UTRN: variants seen among roughly 807,000 people sequenced by gnomAD.
UTRN encodes the protein dystrophin-related protein 1.
In UTRN, 283 loss-of-function variants were observed where a neutral mutation model predicts 463.9. The ratio of observed to expected loss-of-function variants is 0.61; its 90% CI spans 0.55 to 0.67. The LOEUF (loss-of-function observed/expected upper bound fraction) is 0.67. UTRN is among the 30% of genes least tolerant of loss of function. The pLI, the probability that UTRN is intolerant of heterozygous loss-of-function variation, is 0.00. For synonymous variants in UTRN, 1,442 were observed against 1,431.5 expected (o/e 1.01, Z -0.17); for missense variants, 3,922 against 4,084.3 (o/e 0.96, Z 1.08).
intron 46 of UTRN, among the ~76,000 whole-genome samples, chr6:144,547,766 C>A (rs1295075550): frequency 6.6e-6 from 1 of 152,040 alleles, no homozygotes; most frequent in African/African-American, 2.4e-5. Flanking sequence ...AGGGCATATT[C>A]CTCTATCAAA....
At chr6:144,810,510 A>G (rs927651690) in intron 65 of UTRN, among the ~76,000 whole-genome samples, 19 of 152,222 alleles carry the variant, frequency 1.2e-4, no homozygotes, top group Non-Finnish European at 2.5e-4. Context: ...AAAGGTAGAT[A>G]GATAGGCTGT....
intron 2 of UTRN, among the ~76,000 whole-genome samples, chr6:144,389,616 T>C (rs1219530827): frequency 6.6e-6 from 1 of 151,764 alleles, no homozygotes; most frequent in Non-Finnish European, 1.5e-5. Flanking sequence ...TTTCCCCCCC[T>C]GAGACGGGGT....
At chr6:144,800,678 A>G (rs1016154398) in intron 64 of UTRN, among the ~76,000 whole-genome samples, 2 of 152,200 alleles carry the variant, frequency 1.3e-5, no homozygotes, top group Non-Finnish European at 2.9e-5. Context: ...ACATGAAAGT[A>G]TCTAGGGCAG....
At position 144,732,267 on chromosome 6, in the gene UTRN, T is replaced by TATATATATACAC. The variant is rs1554360098; in HGVS notation, c.7939+1790_7939+1791insCACATATATATA. Among the ~76,000 whole-genome samples, 22 of 89,710 alleles carry TATATATATACAC rather than the reference T, an allele frequency of 2.5e-4. 1 individual carries two copies. Among genetic ancestry groups the TATATATATACAC allele is most frequent in the African/African-American group, 1.3e-3 (21 of 16,138 alleles). 58.9% of individuals were successfully genotyped at this position (89,710 alleles called of 152,430 possible). On this transcript the variant is annotated intron_variant, in intron 54 of 74. Coordinates refer to ENST00000367545, the MANE Select transcript of UTRN (RefSeq NM_007124.3). ...ATATATATATATATATACACACATA[T>TATATATATACAC]ATATATATATACACACATATATATA...
At chr6:144,392,998 GCCATCCATCCATCCATCCATCCATCCAT>G (rs58099859) in intron 2 of UTRN, among the ~76,000 whole-genome samples, 1 of 150,082 alleles carries the variant, frequency 6.7e-6, no homozygotes, top group African/African-American at 2.5e-5. Context: ...GTGTCCAGCT[GCCATCCATCCATCCATCCATCCATCCAT>G]CCATCCATCC....
intron 51 of UTRN, among the ~76,000 whole-genome samples, chr6:144,584,233 C>T (rs1054233797): frequency 1.3e-5 from 2 of 152,058 alleles, no homozygotes; most frequent in African/African-American, 4.8e-5. Context: ...TACGTCATCC[C>T]GAACATAAAC....
chr6:144,365,378 G>T (rs568530215), intron 2 of UTRN, among the ~76,000 whole-genome samples: 2 of 152,328 alleles, frequency 1.3e-5, no homozygotes, highest in Admixed American at 1.3e-4. Context: ...CAACTTTAGG[G>T]CCAGCCTAGG....
At chr6:144,353,083 C>T (rs902120220) in intron 2 of UTRN, among the ~76,000 whole-genome samples, 1 of 152,054 alleles carries the variant, frequency 6.6e-6, no homozygotes, top group Non-Finnish European at 1.5e-5. Flanking sequence ...GCTGGGATTA[C>T]AGGCATGTGC....
At chr6:144,836,081 G>T in intron 70 of UTRN, 143 bp downstream of exon 70, 1 of 1,413,112 alleles carries the variant, frequency 7.1e-7, no homozygotes, top group Non-Finnish European at 9.5e-7. Context: ...AACAAACTGG[G>T]ATGCTGGCTG....
chr6:144,422,037 G>C, intron 4 of UTRN, 67 bp downstream of exon 4: 1 of 1,342,108 alleles, frequency 7.5e-7, no homozygotes, highest in Non-Finnish European at 1.0e-6. Flanking sequence ...ACCCAGTGTG[G>C]GTACCCATTA....
intron 60 of UTRN, among the ~76,000 whole-genome samples, chr6:144,778,708 C>T (rs754648390): frequency 1.3e-5 from 2 of 152,110 alleles, no homozygotes; most frequent in Non-Finnish European, 2.9e-5. Context: ...GGATGCTTAA[C>T]AGTGTTCATT....
intron 19 of UTRN, 26 bp downstream of exon 19, chr6:144,453,895 A>G (rs1236068947): frequency 6.3e-7 from 1 of 1,597,732 alleles, no homozygotes; most frequent in African/African-American, 1.3e-5. Context: ...TTTTTCCCCT[A>G]TATTTTTCAG....
At chr6:144,697,207 C>A (rs1437296390) in intron 52 of UTRN, among the ~76,000 whole-genome samples, 1 of 151,930 alleles carries the variant, frequency 6.6e-6, no homozygotes, top group African/African-American at 2.4e-5. Context: ...TATCAAAGTA[C>A]TAAAGGAGTG....
chr6:144,549,756 A>C (rs1340289259), intron 47 of UTRN, among the ~76,000 whole-genome samples: 1 of 152,184 alleles, frequency 6.6e-6, no homozygotes, highest in Middle Eastern at 3.2e-3. Context: ...AGAGTGAATA[A>C]AGTCATGTGG....
chr6:144,727,684 A>G (rs540295698), intron 53 of UTRN, among the ~76,000 whole-genome samples: 1 of 152,152 alleles, frequency 6.6e-6, no homozygotes, highest in African/African-American at 2.4e-5. Context: ...GCGTGAACCC[A>G]GGAGGTAGAG....
At chr6:144,501,010 A>G (rs1794122592) in intron 34 of UTRN, among the ~76,000 whole-genome samples, 1 of 152,196 alleles carries the variant, frequency 6.6e-6, no homozygotes, top group Admixed American at 6.5e-5. Context: ...GTGGGCCTTG[A>G]GGAGAAGGTG....
chr6:144,711,492 C>CAA (rs1785706937), intron 53 of UTRN, among the ~76,000 whole-genome samples: 1 of 152,126 alleles, frequency 6.6e-6, no homozygotes, highest in Non-Finnish European at 1.5e-5. Context: ...GTGAGCTTAT[C>CAA]ATTCAGTCAA....
At chr6:144,621,655 T>C (rs1775391992) in intron 51 of UTRN, among the ~76,000 whole-genome samples, 1 of 152,170 alleles carries the variant, frequency 6.6e-6, no homozygotes. Flanking sequence ...TGCTGATACT[T>C]AATTAGGAAA....
intron 73 of UTRN, among the ~76,000 whole-genome samples, chr6:144,842,409 A>G (rs1208695340): frequency 6.6e-6 from 1 of 152,020 alleles, no homozygotes; most frequent in Non-Finnish European, 1.5e-5. Context: ...GCAAAACCCT[A>G]TCTCTACTAA....
Sources: gnomAD v4.1 joint callset for allele counts (sites outside exome capture counted in the v4.1 genomes callset) on GRCh38, gnomAD v4.1.1 for gene constraint, MANE v1.5 for transcripts, NCBI Gene and HGNC (gene_info 2026-07-23, HGNC 2026-07-21) for gene names.